The following DIAPH2 variants were observed in gnomAD, a reference collection of about 807,000 sequenced individuals.
DIAPH2 encodes the protein protein diaphanous homolog 2.
Under a neutral mutation model 92.7 loss-of-function variants are expected in DIAPH2, and 35 were observed. That is an observed-to-expected ratio of 0.38 (90% CI 0.29 to 0.50). The LOEUF (loss-of-function observed/expected upper bound fraction) is 0.50, where lower values mean the gene tolerates loss of function less well. DIAPH2 is among the 20% of genes least tolerant of loss of function. The pLI is 0.94. For synonymous variants in DIAPH2, 301 were observed against 280.4 expected (o/e 1.07, Z -0.73); for missense variants, 701 against 819.5 (o/e 0.86, Z 1.77).
At chrX:97,174,608 T>C (rs760318048) in intron 22 of DIAPH2, among the ~76,000 whole-genome samples, 2 of 112,220 alleles carry the variant, frequency 1.8e-5, no homozygotes, top group East Asian at 5.6e-4. Context: ...CCTCTAAAGC[T>C]GTTTTCCCAG....
intron 2 of DIAPH2, 126 bp from the exon 3 acceptor site, chrX:96,738,460 A>ATTT: frequency 3.9e-6 from 2 of 507,793 alleles, no homozygotes; most frequent in Non-Finnish European, 6.1e-6. Context: ...TGCTTAAAAT[A>ATTT]GTATTTTGTC....
At chrX:97,333,851 C>T (rs1231579030) in intron 23 of DIAPH2, among the ~76,000 whole-genome samples, 1 of 110,431 alleles carries the variant, frequency 9.1e-6, no homozygotes, top group Non-Finnish European at 1.9e-5. Flanking sequence ...ATGCGTGAGC[C>T]ACCGCCCCCG....
At chrX:96,971,929 T>C (rs1461516863) in intron 17 of DIAPH2, among the ~76,000 whole-genome samples, 2 of 112,092 alleles carry the variant, frequency 1.8e-5, no homozygotes, top group Non-Finnish European at 3.8e-5. Context: ...GATGTTACTG[T>C]AACTGCTGAA....
rs183462881 is a variant in DIAPH2, at chrX:96,866,355, G to T, written c.448-15224G>T. ...TTAAAATAACCTAAGGAATATTCAG[G>T]TTTTTTGTTTTTGCAAGATTTCTTA... On this transcript the variant is annotated intron_variant, in intron 4 of 26. Coordinates refer to ENST00000324765, the MANE Select transcript of DIAPH2 (RefSeq NM_006729.5). 2.4e-3 allele frequency among the ~76,000 whole-genome samples: 265 copies of T among 111,759 alleles called. 2 individuals are homozygous for T. Among genetic ancestry groups the T allele is most frequent in the African/African-American group, 8.4e-3 (259 of 30,815 alleles).
chrX:96,749,146 ATATAT>A (rs1328654602), intron 3 of DIAPH2, among the ~76,000 whole-genome samples: 38 of 68,846 alleles, frequency 5.5e-4, no homozygotes, highest in East Asian at 2.1e-3. Context: ...AAAAAAAAAA[ATATAT>A]ATATATATAT....
At chrX:97,226,748 C>T in intron 22 of DIAPH2, among the ~76,000 whole-genome samples, 1 of 111,757 alleles carries the variant, frequency 8.9e-6, no homozygotes. Flanking sequence ...CCCTCAAGGA[C>T]TTTAATCAGC....
Position 97,071,993 on chromosome X carries a change from T to C in DIAPH2, c.2051-948T>C, listed in dbSNP as rs180711093. Among the ~76,000 whole-genome samples, 595 of 112,252 alleles carry C rather than the reference T, an allele frequency of 5.3e-3. 6 individuals carry two copies. Among genetic ancestry groups the C allele is most frequent in the African/African-American group, 0.018 (564 of 30,941 alleles). On this transcript the variant is annotated intron_variant, in intron 17 of 26. Transcript: ENST00000324765. Reference sequence around the variant, plus strand: ...ACACTCTACTTGACTGAAAAAGTACTAGCTTTACTTTTCTTATATTTTCTG... The same window carrying C: ...ACACTCTACTTGACTGAAAAAGTACCAGCTTTACTTTTCTTATATTTTCTG...
intron 21 of DIAPH2, among the ~76,000 whole-genome samples, chrX:97,120,830 C>T (rs1445098195): frequency 9.1e-6 from 1 of 110,025 alleles, no homozygotes; most frequent in Non-Finnish European, 1.9e-5. Flanking sequence ...ACAAAGGAAA[C>T]ATCCATCTCC....
chrX:97,283,730 G>T (rs1233189999), intron 23 of DIAPH2, among the ~76,000 whole-genome samples: 1 of 112,484 alleles, frequency 8.9e-6, no homozygotes, highest in Non-Finnish European at 1.9e-5. Flanking sequence ...AACACCTGAG[G>T]TCGGGAGTTT....
intron 20 of DIAPH2, among the ~76,000 whole-genome samples, chrX:97,107,167 C>CT (rs1390360125): frequency 9.0e-6 from 1 of 111,027 alleles, no homozygotes; most frequent in Non-Finnish European, 1.9e-5. Flanking sequence ...CATTATTTTT[C>CT]TTTTTTCTTT....
chrX:97,494,614 C>T (rs1415168217), intron 26 of DIAPH2, among the ~76,000 whole-genome samples: 1 of 112,158 alleles, frequency 8.9e-6, no homozygotes. Context: ...CCCATTCTTT[C>T]TGGACTTGTT....
chrX:96,803,283 G>T (rs1043808940), intron 4 of DIAPH2, among the ~76,000 whole-genome samples: 3 of 106,590 alleles, frequency 2.8e-5, no homozygotes, highest in African/African-American at 1.0e-4. Context: ...CTTATTAAAA[G>T]ATGTTTTCTT....
At chrX:97,053,017 T>G (rs779853756) in intron 17 of DIAPH2, among the ~76,000 whole-genome samples, 1 of 111,632 alleles carries the variant, frequency 9.0e-6, no homozygotes, top group East Asian at 2.8e-4. Context: ...CACCAAGGTT[T>G]GTTATGGGCA....
At chrX:97,361,758 C>T (rs1024192469) in intron 24 of DIAPH2, among the ~76,000 whole-genome samples, 2 of 111,802 alleles carry the variant, frequency 1.8e-5, no homozygotes, top group African/African-American at 6.5e-5. Flanking sequence ...GGACGTCTAA[C>T]AAAGGAGAGT....
intron 4 of DIAPH2, among the ~76,000 whole-genome samples, chrX:96,772,666 A>C (rs1471183621): frequency 8.9e-6 from 1 of 112,172 alleles, no homozygotes; most frequent in Non-Finnish European, 1.9e-5. Context: ...CATTAATTGC[A>C]TGTGCTTTTA....
At chrX:97,125,694 A>G (rs1029168614) in intron 21 of DIAPH2, among the ~76,000 whole-genome samples, 2 of 110,619 alleles carry the variant, frequency 1.8e-5, no homozygotes, top group African/African-American at 6.6e-5. Context: ...AAATTAATGC[A>G]TCTGTATTTT....
At chrX:97,253,029 T>C (rs1268574365) in intron 23 of DIAPH2, among the ~76,000 whole-genome samples, 8 of 111,418 alleles carry the variant, frequency 7.2e-5, no homozygotes, top group Non-Finnish European at 1.3e-4. Context: ...TGGCTCACAC[T>C]TGTAATCTCA....
intron 22 of DIAPH2, among the ~76,000 whole-genome samples, chrX:97,182,163 G>C (rs929548710): frequency 9.0e-6 from 1 of 111,049 alleles, no homozygotes; most frequent in Non-Finnish European, 1.9e-5. Flanking sequence ...GCTTGTGGGG[G>C]CTAGGCATGA....
At chrX:96,964,424 C>T (rs772921712) in intron 16 of DIAPH2, among the ~76,000 whole-genome samples, 39 of 111,305 alleles carry the variant, frequency 3.5e-4, no homozygotes, top group African/African-American at 1.2e-3. Flanking sequence ...GGTAGTTATA[C>T]ATCACAAAAC....
Sources: gnomAD v4.1 joint callset for allele counts (sites outside exome capture counted in the v4.1 genomes callset) on GRCh38, gnomAD v4.1.1 for gene constraint, MANE v1.5 for transcripts, NCBI Gene and HGNC (gene_info 2026-07-23, HGNC 2026-07-21) for gene names.